DPP6: variants seen among roughly 807,000 people sequenced by gnomAD.
DPP6 encodes dipeptidyl peptidase like 6.
A neutral mutation model predicts 122.6 loss-of-function variants in DPP6; 69 were observed. The ratio of observed to expected loss-of-function variants is 0.56; its 90% confidence interval spans 0.46 to 0.69. The LOEUF (loss-of-function observed/expected upper bound fraction) is 0.69. Among genes scored for constraint, DPP6 ranks in the 30% least tolerant of loss-of-function variants. The pLI is 0.00. For missense variants in DPP6, 928 were observed against 1,116.9 expected, an observed-to-expected ratio of 0.83 and a Z score of 2.41; for synonymous variants, 418 against 433.1, an observed-to-expected ratio of 0.97 and a Z score of 0.43.
chr7:154,835,894 A>C (rs1056077562), intron 16 of DPP6, among the ~76,000 whole-genome samples: 4 of 152,206 alleles, frequency 2.6e-5, no homozygotes, highest in African/African-American at 9.7e-5. Context: ...AAAGGAAGGA[A>C]TACAACCTCC....
chr7:154,146,520 C>T (rs1466593637), intron 1 of DPP6, among the ~76,000 whole-genome samples: 1 of 152,214 alleles, frequency 6.6e-6, no homozygotes, highest in Non-Finnish European at 1.5e-5. Context: ...TTCCCTCCCT[C>T]CCTGCCTCTC....
intron 25 of DPP6, 128 bp downstream of exon 25, chr7:154,889,658 C>A (rs1806445884): frequency 6.9e-7 from 1 of 1,440,968 alleles, no homozygotes; most frequent in South Asian, 1.4e-5. Flanking sequence ...CGGTGATGAG[C>A]AAGGTCCCAG....
intron 1 of DPP6, among the ~76,000 whole-genome samples, chr7:154,066,801 CAG>C (rs1351875430): frequency 6.6e-6 from 1 of 152,140 alleles, no homozygotes; most frequent in Non-Finnish European, 1.5e-5. Flanking sequence ...CCATGGGATA[CAG>C]AAATGCTTTT....
chr7:153,815,965 A>C, the DPP6 span, among the ~76,000 whole-genome samples: 1 of 152,212 alleles, frequency 6.6e-6, no homozygotes, highest in East Asian at 1.9e-4. Flanking sequence ...AAGGTTTCCA[A>C]TGTCATTTAT....
intron 7 of DPP6, among the ~76,000 whole-genome samples, chr7:154,678,630 G>A (rs185144053): frequency 1.9e-4 from 29 of 152,354 alleles, no homozygotes; most frequent in South Asian, 4.1e-4. Context: ...TGAAGTCAGC[G>A]AGACCAAGAA....
the DPP6 span, among the ~76,000 whole-genome samples, chr7:153,873,767 A>G: frequency 2.0e-5 from 3 of 152,236 alleles, no homozygotes; most frequent in African/African-American, 7.2e-5. Context: ...GAAAAGGTCA[A>G]AGGCACTGCA....
chr7:154,807,281 C>A (rs927953872), intron 16 of DPP6, among the ~76,000 whole-genome samples, 169 bp downstream of exon 16: 8 of 152,122 alleles, frequency 5.3e-5, no homozygotes, highest in African/African-American at 1.9e-4. Flanking sequence ...TGCAAGATGA[C>A]TGGACCCCCA....
intron 8 of DPP6, among the ~76,000 whole-genome samples, chr7:154,761,183 G>A (rs1795527870): frequency 6.6e-6 from 1 of 152,178 alleles, no homozygotes; most frequent in Non-Finnish European, 1.5e-5. Context: ...AAAATACAAT[G>A]GCATAAAACT....
intron 8 of DPP6, among the ~76,000 whole-genome samples, chr7:154,768,680 G>T (rs571588003): frequency 6.6e-6 from 1 of 152,302 alleles, no homozygotes; most frequent in South Asian, 2.1e-4. Flanking sequence ...AAACTCATCT[G>T]TCGTTAAAAC....
chr7:154,482,025 A>G (rs1823349364), intron 3 of DPP6, among the ~76,000 whole-genome samples: 1 of 152,230 alleles, frequency 6.6e-6, no homozygotes, highest in Non-Finnish European at 1.5e-5. Flanking sequence ...AGTTTTAAAG[A>G]TAAGGAAACT....
chr7:154,610,675 T>G (rs1586728329), intron 5 of DPP6, among the ~76,000 whole-genome samples: 1 of 148,256 alleles, frequency 6.7e-6, no homozygotes, highest in South Asian at 2.1e-4. Context: ...CAATTTATGT[T>G]TTTTTTTTAT....
intron 8 of DPP6, among the ~76,000 whole-genome samples, chr7:154,744,857 T>TCCAGGGAGC (rs1223747774): frequency 1.3e-5 from 2 of 152,110 alleles, no homozygotes; most frequent in African/African-American, 4.8e-5. Context: ...GCAGTAGGGG[T>TCCAGGGAGC]CCAGGGAGCC....
chr7:154,416,663 G>A (rs573837492), intron 1 of DPP6, among the ~76,000 whole-genome samples: 14 of 80,532 alleles, frequency 1.7e-4, no homozygotes, highest in African/African-American at 3.6e-4. Context: ...TCCCCTTGGC[G>A]TGTATTCTCC....
At chr7:154,407,561 G>A (rs946049803) in intron 1 of DPP6, among the ~76,000 whole-genome samples, 1 of 152,084 alleles carries the variant, frequency 6.6e-6, no homozygotes, top group African/African-American at 2.4e-5. Flanking sequence ...CAGTTCCTTG[G>A]ATCATGAAAG....
rs114384575 is a variant in DPP6 at position 154,691,087 on chromosome 7, C to T, written c.762+21646C>T. ...GCAACGTCAAAGTGTTTTGGTGCAA[C>T]TCAAATGCTTTGCTGGAACTGTTTT... On this transcript the variant is annotated intron_variant, in intron 7 of 25. Transcript: ENST00000377770. Among the ~76,000 whole-genome samples, 680 of 152,318 alleles carry T rather than the reference C, an allele frequency of 4.5e-3. 5 individuals are homozygous for T. Among genetic ancestry groups the T allele is most frequent in the African/African-American group, 0.015 (637 of 41,570 alleles).
intron 1 of DPP6, among the ~76,000 whole-genome samples, chr7:154,430,552 C>T (rs902599436): frequency 6.6e-6 from 1 of 152,160 alleles, no homozygotes; most frequent in Admixed American, 6.5e-5. Context: ...CTCCTGAAGG[C>T]CCCCCTCCTA....
chr7:154,077,326 G>A (rs1430755928), intron 1 of DPP6, among the ~76,000 whole-genome samples: 6 of 152,176 alleles, frequency 3.9e-5, no homozygotes, highest in South Asian at 2.1e-4. Context: ...AGAAGCCAGC[G>A]TCCACCTCTG....
At chr7:154,235,549 T>G (rs1366879218) in intron 1 of DPP6, among the ~76,000 whole-genome samples, 3 of 142,110 alleles carry the variant, frequency 2.1e-5, no homozygotes, top group Non-Finnish European at 4.5e-5. Flanking sequence ...GCTTTGAATT[T>G]AATCAGCACT....
chr7:154,884,393 ACAC>A (rs1805893601), intron 21 of DPP6: 2 of 150,254 alleles, frequency 1.3e-5, no homozygotes, highest in African/African-American at 2.5e-5. Flanking sequence ...TCATACACAC[ACAC>A]ATGCTCACAC....
Sources: gnomAD v4.1 joint callset for allele counts (sites outside exome capture counted in the v4.1 genomes callset) on GRCh38, gnomAD v4.1.1 for gene constraint, MANE v1.5 for transcripts, NCBI Gene and HGNC (gene_info 2026-07-23, HGNC 2026-07-21) for gene names.